The following IFT57 variants were observed in gnomAD, a reference collection of about 807,000 sequenced individuals.
IFT57 encodes intraflagellar transport protein 57 homolog.
IFT57 carries 59 observed loss-of-function variants against 56.8 expected under a neutral mutation model. That is an observed-to-expected ratio of 1.04 (90% confidence interval 0.84 to 1.29). The LOEUF (loss-of-function observed/expected upper bound fraction) is 1.29. IFT57 is among the 50% of genes most tolerant of loss of function. IFT57 has a pLI of 0.00. For synonymous variants in IFT57, 209 were observed against 186.1 expected (o/e 1.12, Z -1.00); for missense variants, 470 against 522.1 (o/e 0.90, Z 0.97).
chr3:108,199,659 C>T lies in IFT57; in HGVS notation c.654+6969G>A, dbSNP rs375704987. Among the ~76,000 whole-genome samples the T allele has an allele frequency of 1.3e-4, 20 of 152,324 alleles. No homozygotes were observed. The East Asian group carries it at 3.1e-3, about 23-fold the overall frequency. Reference sequence around the variant, plus strand: ...ACTGTATTTATTAATATTTATCCAACAACTATTTACTTAGTGCCCACTATG... The same window carrying T: ...ACTGTATTTATTAATATTTATCCAATAACTATTTACTTAGTGCCCACTATG... On this transcript the variant is annotated intron_variant, in intron 5 of 10. Coordinates refer to ENST00000264538, the MANE Select transcript of IFT57 (RefSeq NM_018010.4).
At chr3:108,188,971 T>C (rs9288861) in intron 6 of IFT57, among the ~76,000 whole-genome samples, 14,643 of 152,260 alleles carry the variant, frequency 0.096, 765 homozygotes, top group Middle Eastern at 0.12. Flanking sequence ...GGGATTAAGC[T>C]GTACTTGAGA....
chr3:108,204,237 A>G (rs1469386571), intron 5 of IFT57, among the ~76,000 whole-genome samples: 1 of 152,164 alleles, frequency 6.6e-6, no homozygotes, highest in East Asian at 1.9e-4. Context: ...TCCATGGTTG[A>G]CCATCCACAA....
intron 6 of IFT57, among the ~76,000 whole-genome samples, chr3:108,190,668 G>A (rs1024875243): frequency 6.6e-6 from 1 of 152,102 alleles, no homozygotes; most frequent in African/African-American, 2.4e-5. Flanking sequence ...GTACAAAAAC[G>A]AACTAATACA....
intron 6 of IFT57, among the ~76,000 whole-genome samples, chr3:108,180,958 A>C (rs2080148472): frequency 1.3e-5 from 2 of 152,048 alleles, no homozygotes; most frequent in Admixed American, 1.3e-4. Flanking sequence ...GTATATCAAC[A>C]GTGAGGCATT....
intron 3 of IFT57, among the ~76,000 whole-genome samples, chr3:108,215,776 C>T (rs2080368857): frequency 6.6e-6 from 1 of 152,166 alleles, no homozygotes. Context: ...ACAGAGCTGA[C>T]ATATTCTCTA....
At chr3:108,215,567 T>C (rs537517194) in intron 3 of IFT57, among the ~76,000 whole-genome samples, 1 of 152,102 alleles carries the variant, frequency 6.6e-6, no homozygotes, top group East Asian at 1.9e-4. Context: ...TCAATCATGT[T>C]AAAAAAATAC....
At chr3:108,167,704 T>C in intron 7 of IFT57, 89 bp downstream of exon 7, 1 of 872,330 alleles carries the variant, frequency 1.1e-6, no homozygotes, top group Non-Finnish European at 1.7e-6. Flanking sequence ...AGGCAAAAAT[T>C]GTGTCTTTTT....
At position 108,163,671 on chromosome 3, in the gene IFT57, G is replaced by T; in HGVS notation, c.1103C>A (p.Thr368Asn). The change falls in exon 10 of 11, where the codon ACT (threonine) becomes AAT (asparagine). Residue 368 changes from threonine (T) to asparagine (N), a missense_variant. Transcript: ENST00000264538. Reference protein sequence around the residue: ...QEMEEKGSSMTDGAPLVKIKQ... With the variant: ...QEMEEKGSSMNDGAPLVKIKQ... ...AATGAGCATGTACTTACCACCATCA[G>T]TCATGCTGCTGCCCTTTTCTTCCAT... The T allele has an allele frequency of 1.9e-6, 3 of 1,609,630 alleles. No individual in the cohort carries two copies. Among genetic ancestry groups the T allele is most frequent in the Non-Finnish European group, 2.5e-6 (3 of 1,176,674 alleles).
At position 108,218,523 on chromosome 3, in the gene IFT57, G is replaced by A; in HGVS notation, c.494+12C>T. ...CCATAAAATTACTATCATCAGGGTG[G>A]GTAATTTTTACCTTTTCCAGGTGAA... is the stretch of plus-strand genomic sequence containing the variant. On this transcript the variant is annotated intron_variant, in intron 3 of 10. Coordinates refer to ENST00000264538, the MANE Select transcript of IFT57 (RefSeq NM_018010.4). 3.1e-6 allele frequency: 4 copies of A among 1,284,994 alleles called. No homozygotes were observed. The highest frequency in any genetic ancestry group is 4.4e-6 in the Non-Finnish European group (4 of 914,962). The allele number at this position is 1,284,994 out of a possible 1,614,324, so 79.6% of individuals were successfully genotyped here.
chr3:108,189,345 T>C (rs906258639), intron 6 of IFT57, among the ~76,000 whole-genome samples: 7 of 152,196 alleles, frequency 4.6e-5, no homozygotes, highest in Non-Finnish European at 1.0e-4. Flanking sequence ...GGGACTGCTC[T>C]AGGAATCTAG....
chr3:108,164,825 T>A (rs2080051584), intron 9 of IFT57, among the ~76,000 whole-genome samples: 1 of 152,154 alleles, frequency 6.6e-6, no homozygotes, highest in Non-Finnish European at 1.5e-5. Context: ...CCAAAGATCA[T>A]CTTGGATTTT....
chr3:108,178,764 G>A (rs762294955), intron 6 of IFT57, among the ~76,000 whole-genome samples: 12 of 151,698 alleles, frequency 7.9e-5, no homozygotes, highest in Non-Finnish European at 1.6e-4. Flanking sequence ...AAGATATGAA[G>A]CAATTGGAAC....
intron 6 of IFT57, among the ~76,000 whole-genome samples, chr3:108,177,932 C>T (rs1274409172): frequency 6.6e-6 from 1 of 151,580 alleles, no homozygotes. Flanking sequence ...TCAGAAAAGT[C>T]AAAATAACTT....
At chr3:108,181,283 C>T (rs758685956) in intron 6 of IFT57, among the ~76,000 whole-genome samples, 1 of 151,954 alleles carries the variant, frequency 6.6e-6, no homozygotes, top group South Asian at 2.1e-4. Context: ...GGTTTTTCTC[C>T]ACCCCTTTAC....
At chr3:108,169,508 T>C (rs1161112676) in intron 6 of IFT57, among the ~76,000 whole-genome samples, 1 of 152,072 alleles carries the variant, frequency 6.6e-6, no homozygotes, top group Admixed American at 6.6e-5. Flanking sequence ...CATTTGTCAA[T>C]TTTGACTTTT....
chr3:108,205,018 C>T (rs1327089328), intron 5 of IFT57, among the ~76,000 whole-genome samples: 1 of 152,060 alleles, frequency 6.6e-6, no homozygotes, highest in Non-Finnish European at 1.5e-5. Flanking sequence ...ACATATTATT[C>T]TGATATATTT....
chr3:108,194,671 C>A (rs1293573668), intron 5 of IFT57, among the ~76,000 whole-genome samples: 1 of 152,148 alleles, frequency 6.6e-6, no homozygotes, highest in East Asian at 1.9e-4. Context: ...AATACAGAAT[C>A]CAGATTTAAA....
chr3:108,170,296 C>A (rs991746152), intron 6 of IFT57, among the ~76,000 whole-genome samples: 1 of 152,028 alleles, frequency 6.6e-6, no homozygotes, highest in Admixed American at 6.6e-5. Context: ...GCAACTTCAG[C>A]AAAGTCTCAG....
Position 108,191,502 on chromosome 3 carries a change from T to C in IFT57, c.777+19A>G, listed in dbSNP as rs1172401124. ...TAACTTTTTTTTTTTTTTAAGAAAA[T>C]GTGTTCCCACTTTGATACCTTATTG... On this transcript the variant is annotated intron_variant, in intron 6 of 10. Coordinates refer to ENST00000264538, the MANE Select transcript of IFT57 (RefSeq NM_018010.4). The C allele has an allele frequency of 9.9e-6, 15 of 1,512,204 alleles. No individual in the cohort carries two copies. Among genetic ancestry groups the C allele is most frequent in the Middle Eastern group, 1.8e-4 (1 of 5,696 alleles). The allele number at this position is 1,512,204 out of a possible 1,614,324, so 93.7% of individuals were successfully genotyped here. A position where few individuals can be genotyped will look rare whatever the true frequency, so the allele number is the denominator to read the frequency against.
Sources: gnomAD v4.1 joint callset for allele counts (sites outside exome capture counted in the v4.1 genomes callset) on GRCh38, gnomAD v4.1.1 for gene constraint, MANE v1.5 for transcripts, NCBI Gene and HGNC (gene_info 2026-07-23, HGNC 2026-07-21) for gene names.